The following RARS1 variants were observed in gnomAD, a reference collection of about 807,000 sequenced individuals.
The protein encoded by RARS1 is arginine--tRNA ligase, cytoplasmic.
In RARS1, 75 loss-of-function variants were observed where a neutral mutation model predicts 78.7. The observed-to-expected ratio is 0.95, with a 90% CI of 0.79 to 1.15. The LOEUF is 1.15. RARS1 is among the 50% of genes most tolerant of loss of function. RARS1 has a pLI of 0.00. For synonymous variants in RARS1, 273 were observed against 268.2 expected (o/e 1.02, Z -0.18); for missense variants, 787 against 787.5 (o/e 1.00, Z 0.01).
intron 11 of RARS1, 134 bp downstream of exon 11, chr5:168,506,965 G>A: frequency 2.9e-6 from 2 of 686,638 alleles, no homozygotes; most frequent in South Asian, 2.0e-5. Flanking sequence ...TGTAAACCCA[G>A]CTGAGTGATT....
chr5:168,504,185 C>A (rs1400122921), intron 9 of RARS1, among the ~76,000 whole-genome samples: 2 of 151,804 alleles, frequency 1.3e-5, no homozygotes, highest in Non-Finnish European at 2.9e-5. Flanking sequence ...AGTTTGAGGC[C>A]AGCCTGGGCA....
chr5:168,488,259 C>T (rs1419844243), intron 1 of RARS1: 2 of 353,426 alleles, frequency 5.7e-6, no homozygotes, highest in Admixed American at 3.8e-5. Context: ...TCCCAAGTAG[C>T]TAGGATTACA....
chr5:168,492,240 A>T (rs1435001525), intron 2 of RARS1, among the ~76,000 whole-genome samples: 2 of 152,194 alleles, frequency 1.3e-5, no homozygotes, highest in South Asian at 2.1e-4. Context: ...CTTTTATTTC[A>T]TGCCTTGAAG....
rs1413276209 is a variant in RARS1, at chr5:168,519,089, T to G, written c.1882T>G (p.Leu628Val). ...TTTTTCTATCTTTTCAGGAAAAATATTGAAGGTGAACATGTGGCGTATGCT... is the reference window on the plus strand; with the variant it reads ...TTTTTCTATCTTTTCAGGAAAAATAGTGAAGGTGAACATGTGGCGTATGCT... ...VEKDRQTGKI[L>V]KVNMWRMLLC... Residue 628 changes from leucine (L) to valine (V), a missense_variant, in exon 15 of 15, where the codon TTG (leucine) becomes GTG (valine). Leu to Val is a conservative substitution (Grantham distance 32, BLOSUM62 1). Coordinates refer to ENST00000231572, the MANE Select transcript of RARS1 (RefSeq NM_002887.4). The G allele has an allele frequency of 7.5e-6, 12 of 1,606,418 alleles. No homozygotes were observed. The highest frequency in any genetic ancestry group is 1.0e-5 in the Non-Finnish European group (12 of 1,176,628).
In RARS1 at chr5:168,516,830, G is replaced by C; in HGVS notation, c.1505G>C (p.Cys502Ser). 1 of 1,614,116 alleles carries C rather than the reference G, an allele frequency of 6.2e-7. No individual in the cohort carries two copies. Among genetic ancestry groups the C allele is most frequent in the Non-Finnish European group, 8.5e-7 (1 of 1,179,998 alleles). The change falls in exon 13 of 15, where the codon TGC (cysteine) becomes TCC (serine). Residue 502 changes from cysteine to serine, a missense_variant. Cys to Ser is a moderately radical substitution (Grantham distance 112). Transcript: ENST00000231572. ...NAAQTSVAYG[C>S]IKYADLSHNR... ...GCTCAGACATCCGTTGCGTATGGCTGCATCAAATATGCTGACCTTTCCCAT... is the reference window on the plus strand; with the variant it reads ...GCTCAGACATCCGTTGCGTATGGCTCCATCAAATATGCTGACCTTTCCCAT...
chr5:168,517,040 A>C, intron 13 of RARS1, 90 bp downstream of exon 13: 1 of 1,334,054 alleles, frequency 7.5e-7, no homozygotes, highest in Non-Finnish European at 1.0e-6. Context: ...TTTTGAAATG[A>C]GACGGGGTCT....
intron 8 of RARS1, among the ~76,000 whole-genome samples, chr5:168,501,558 A>T (rs1020278831): frequency 6.6e-6 from 1 of 152,146 alleles, no homozygotes; most frequent in Non-Finnish European, 1.5e-5. Flanking sequence ...CCCCATCTCT[A>T]CTAAAAGTGG....
chr5:168,501,575 T>C (rs979029673), intron 8 of RARS1, among the ~76,000 whole-genome samples: 2 of 152,124 alleles, frequency 1.3e-5, no homozygotes, highest in African/African-American at 2.4e-5. Flanking sequence ...GTGGAAAAAT[T>C]AGCCGGGCGT....
chr5:168,517,740 T>G, intron 13 of RARS1, 75 bp from the exon 14 acceptor site: 1 of 1,544,202 alleles, frequency 6.5e-7, no homozygotes, highest in South Asian at 1.3e-5. Context: ...CGGTGATAAT[T>G]TCGAGTGGAG....
rs774470913 is a variant in RARS1, at chr5:168,506,084, C to G, written c.1121C>G (p.Thr374Ser). The G allele has an allele frequency of 6.2e-7, 1 of 1,608,126 alleles. No homozygotes were observed. The highest frequency in any genetic ancestry group is 1.7e-5 in the Admixed American group (1 of 59,148). ...GTCCCAGGGTGTTCCATACCATTAA[C>G]CATAGTAAAATCAGATGGAGGTTAT... is the stretch of plus-strand genomic sequence containing the variant. ...VFVPGCSIPL[T>S]IVKSDGGYTY... is the part of the protein sequence containing the mutation. Residue 374 changes from threonine (T) to serine (S), a missense_variant, in exon 10 of 15, where the codon ACC becomes AGC. By Grantham distance (58) the Thr-to-Ser change is moderately conservative (BLOSUM62 1). Transcript: ENST00000231572.
At chr5:168,496,701 C>G (rs1305225550) in intron 6 of RARS1, among the ~76,000 whole-genome samples, 1 of 152,024 alleles carries the variant, frequency 6.6e-6, no homozygotes, top group Non-Finnish European at 1.5e-5. Flanking sequence ...CCAGGCGGGT[C>G]TCGAACTCCT....
chr5:168,514,397 C>G (rs1758624392), intron 12 of RARS1, among the ~76,000 whole-genome samples: 1 of 151,922 alleles, frequency 6.6e-6, no homozygotes, highest in Non-Finnish European at 1.5e-5. Flanking sequence ...TCATTTTTTT[C>G]TTTTTGCTTT....
intron 11 of RARS1, among the ~76,000 whole-genome samples, chr5:168,507,248 A>T (rs1758467550): frequency 6.6e-6 from 1 of 152,236 alleles, no homozygotes; most frequent in African/African-American, 2.4e-5. Flanking sequence ...TTAAGTTTTA[A>T]GATTCACTGG....
intron 2 of RARS1, among the ~76,000 whole-genome samples, chr5:168,489,909 G>A (rs1758047583): frequency 6.6e-6 from 1 of 150,546 alleles, no homozygotes; most frequent in African/African-American, 2.5e-5. Flanking sequence ...CCACCTCCCA[G>A]GTTCAAGCAA....
In RARS1 at chr5:168,510,182, T is replaced by C. The variant is rs114625871; in HGVS notation, c.1347-399T>C. Among the ~76,000 whole-genome samples, 1,195 of 152,364 alleles carry C rather than the reference T, an allele frequency of 7.8e-3. 11 individuals are homozygous for C. The highest frequency in any genetic ancestry group is 0.027 in the African/African-American group (1,122 of 41,590). On this transcript the variant is annotated intron_variant, in intron 11 of 14. Coordinates refer to ENST00000231572, the MANE Select transcript of RARS1 (RefSeq NM_002887.4). ...AAACATATATTTTGATTAGTAATTT[T>C]TCTAAAAAGGTGAAACATCTAAGCC...
Position 168,517,809 on chromosome 5 carries a change from T to A in RARS1, c.1626-6T>A. The A allele has an allele frequency of 6.3e-7, 1 of 1,598,728 alleles. No homozygotes were observed. The highest frequency in any genetic ancestry group is 8.5e-7 in the Non-Finnish European group (1 of 1,172,410). ...ATTGCCTGATGATTTTTTTGTTTTT[T>A]TTAAGGTCTATTGCACGTCTGGCCA... On this transcript the variant is annotated splice_region_variant and splice_polypyrimidine_tract_variant and intron_variant, in intron 13 of 14. Transcript: ENST00000231572.
chr5:168,515,928 T>C (rs865844239), intron 12 of RARS1, among the ~76,000 whole-genome samples: 1 of 152,208 alleles, frequency 6.6e-6, no homozygotes. Flanking sequence ...TGTGGCTCCT[T>C]CTTTTTGGGG....
intron 8 of RARS1, among the ~76,000 whole-genome samples, chr5:168,501,583 C>CGT (rs1758323775): frequency 6.6e-6 from 1 of 152,056 alleles, no homozygotes; most frequent in Non-Finnish European, 1.5e-5. Context: ...ATTAGCCGGG[C>CGT]GTGGTGGCAC....
At chr5:168,494,801 C>G (rs764521627) in intron 5 of RARS1, 151 bp downstream of exon 5, 4 of 587,166 alleles carry the variant, frequency 6.8e-6, no homozygotes, top group Non-Finnish European at 1.2e-5. Flanking sequence ...GTGCTGTGAT[C>G]GCACCTGTGA....
Sources: allele counts gnomAD v4.1 joint callset (sites outside exome capture counted in the v4.1 genomes callset), GRCh38; gene constraint gnomAD v4.1.1; transcripts MANE v1.5; gene names NCBI Gene and HGNC (gene_info 2026-07-23, HGNC 2026-07-21).